PPP2R2B: variants seen among roughly 807,000 people sequenced by gnomAD.
The protein encoded by PPP2R2B is protein phosphatase 2 regulatory subunit Bbeta.
A neutral mutation model predicts 46.0 loss-of-function variants in PPP2R2B; 5 were observed. That is an observed-to-expected ratio of 0.11 (90% CI 0.06 to 0.23). The LOEUF is 0.23. PPP2R2B is among the 10% of genes least tolerant of loss of function. The probability of loss-of-function intolerance (pLI) is 1.00; values close to 1 mark genes in which losing one functional copy is unlikely to be tolerated. For synonymous variants in PPP2R2B, 215 were observed against 206.7 expected, an observed-to-expected ratio of 1.04 and a Z score of -0.34; for missense variants, 367 against 575.0, an observed-to-expected ratio of 0.64 and a Z score of 3.70.
chr5:146,646,021 C>T (rs565952124), intron 6 of PPP2R2B, among the ~76,000 whole-genome samples: 15 of 152,342 alleles, frequency 9.8e-5, no homozygotes, highest in Admixed American at 9.8e-4. Flanking sequence ...TTCAGCAAAG[C>T]CTTCCCTGGT....
chr5:146,740,616 CACACACAG>C (rs1209660183), intron 2 of PPP2R2B, among the ~76,000 whole-genome samples: 40 of 122,228 alleles, frequency 3.3e-4, no homozygotes, highest in African/African-American at 1.1e-3. Flanking sequence ...CACACACACA[CACACACAG>C]ATAAAAGTTC....
chr5:146,626,577 G>A (rs1376323878), intron 7 of PPP2R2B, among the ~76,000 whole-genome samples: 4 of 152,164 alleles, frequency 2.6e-5, no homozygotes, highest in African/African-American at 9.7e-5. Context: ...TCCTTGACTG[G>A]GTTCTCCTGA....
chr5:146,799,335 G>T (rs1044477644), intron 2 of PPP2R2B, among the ~76,000 whole-genome samples: 2 of 152,186 alleles, frequency 1.3e-5, no homozygotes, highest in African/African-American at 4.8e-5. Flanking sequence ...GGTGATAGTG[G>T]GGAGCTCTAT....
chr5:147,016,647 AG>A (rs1402907698), intron 1 of PPP2R2B, among the ~76,000 whole-genome samples: 2 of 151,764 alleles, frequency 1.3e-5, no homozygotes, highest in Non-Finnish European at 2.9e-5. Context: ...ACACAAAGGC[AG>A]TATATTCAAT....
At chr5:146,716,374 A>G (rs1406394915) in intron 2 of PPP2R2B, among the ~76,000 whole-genome samples, 2 of 148,766 alleles carry the variant, frequency 1.3e-5, no homozygotes, top group African/African-American at 5.2e-5. Context: ...CATTAAAGGC[A>G]GAATTCCTAT....
At chr5:146,851,876 T>A (rs1353993385) in intron 2 of PPP2R2B, among the ~76,000 whole-genome samples, 1 of 152,046 alleles carries the variant, frequency 6.6e-6, no homozygotes, top group African/African-American at 2.4e-5. Context: ...CAGAAAATCT[T>A]ACGACATCTG....
intron 2 of PPP2R2B, among the ~76,000 whole-genome samples, chr5:146,854,703 G>C (rs1367359375): frequency 6.6e-6 from 1 of 152,120 alleles, no homozygotes; most frequent in African/African-American, 2.4e-5. Context: ...CACTCACCTT[G>C]TACCTCACAC....
intron 1 of PPP2R2B, among the ~76,000 whole-genome samples, chr5:147,033,949 A>G (rs1755912670): frequency 6.6e-6 from 1 of 152,156 alleles, no homozygotes; most frequent in South Asian, 2.1e-4. Flanking sequence ...AAAAAAAATT[A>G]AGTCCTTGAC....
intron 3 of PPP2R2B, among the ~76,000 whole-genome samples, chr5:146,698,981 T>C (rs1218922401): frequency 6.6e-6 from 1 of 151,518 alleles, no homozygotes; most frequent in Non-Finnish European, 1.5e-5. Flanking sequence ...AAAAACAGGA[T>C]GTGAAAGAAA....
At chr5:146,631,013 G>T (rs1774390533) in intron 7 of PPP2R2B, among the ~76,000 whole-genome samples, 1 of 152,174 alleles carries the variant, frequency 6.6e-6, no homozygotes, top group Non-Finnish European at 1.5e-5. Context: ...TGCCTCCCCT[G>T]TTTTGACCCA....
chr5:146,856,432 G>C (rs1275336592), intron 2 of PPP2R2B: 1 of 1,213,048 alleles, frequency 8.2e-7, no homozygotes, highest in African/African-American at 1.5e-5. Context: ...TAAGCAATTG[G>C]AACTATTTAA....
intron 1 of PPP2R2B, among the ~76,000 whole-genome samples, chr5:146,948,390 T>G (rs1764551778): frequency 1.3e-5 from 2 of 152,114 alleles, no homozygotes; most frequent in African/African-American, 4.8e-5. Flanking sequence ...GTTGGGAGGA[T>G]GAAATGACTT....
At chr5:147,031,029 G>T (rs1755753750) in intron 1 of PPP2R2B, among the ~76,000 whole-genome samples, 1 of 152,124 alleles carries the variant, frequency 6.6e-6, no homozygotes, top group African/African-American at 2.4e-5. Context: ...GAGGTCAGGA[G>T]ATCGAGACCA....
At chr5:146,996,873 G>A (rs927271792) in intron 1 of PPP2R2B, among the ~76,000 whole-genome samples, 3 of 151,988 alleles carry the variant, frequency 2.0e-5, no homozygotes, top group Admixed American at 2.0e-4. Flanking sequence ...TCACACTCCT[G>A]GACCTTTCCA....
At chr5:146,696,764 C>A (rs912352152) in intron 4 of PPP2R2B, among the ~76,000 whole-genome samples, 1 of 152,156 alleles carries the variant, frequency 6.6e-6, no homozygotes, top group African/African-American at 2.4e-5. Flanking sequence ...CTTGGATAAT[C>A]CTAAACCAGC....
At position 146,581,348 on chromosome 5, in the gene PPP2R2B, C is replaced by T. The variant is rs1361781302; in HGVS notation, c.*8599G>A. 5.3e-5 allele frequency: 8 copies of T among 152,118 alleles called. No individual in the cohort carries two copies. Among genetic ancestry groups the T allele is most frequent in the Non-Finnish European group, 7.3e-5 (5 of 68,048 alleles). The allele number at this position is 152,118 out of a possible 1,614,324, so 9.4% of individuals were successfully genotyped here. On this transcript the variant is annotated 3_prime_UTR_variant, in exon 10 of 10. Coordinates refer to ENST00000394411, the MANE Select transcript of PPP2R2B (RefSeq NM_181675.4). ...TCTTCACACCTTTAAACAACCAGAT[C>T]TCGTGAGAACTTACTCACTATCACG...
chr5:146,742,700 C>A (rs1415708976), intron 2 of PPP2R2B, among the ~76,000 whole-genome samples: 1 of 151,956 alleles, frequency 6.6e-6, no homozygotes, highest in African/African-American at 2.4e-5. Context: ...GAAGTTTTAA[C>A]CCCCAATATC....
At chr5:146,943,854 A>G (rs1425588896) in intron 1 of PPP2R2B, among the ~76,000 whole-genome samples, 1 of 152,208 alleles carries the variant, frequency 6.6e-6, no homozygotes, top group East Asian at 1.9e-4. Context: ...ACATGGATTC[A>G]CTATTGAGGA....
At chr5:146,750,078 AAAAC>A (rs769700907) in intron 2 of PPP2R2B, among the ~76,000 whole-genome samples, 26 of 149,128 alleles carry the variant, frequency 1.7e-4, no homozygotes, top group Non-Finnish European at 2.4e-4. Context: ...AATTTTGTAA[AAAAC>A]AAACAAACAA....
Sources: allele counts gnomAD v4.1 joint callset (sites outside exome capture counted in the v4.1 genomes callset), GRCh38; gene constraint gnomAD v4.1.1; transcripts MANE v1.5; gene names NCBI Gene and HGNC (gene_info 2026-07-23, HGNC 2026-07-21).